The following COMMD1 variants were observed in gnomAD, a reference collection of about 807,000 sequenced individuals.
COMMD1 encodes copper metabolism domain containing 1.
In COMMD1, 10 loss-of-function variants were observed where a neutral mutation model predicts 17.2. The ratio of observed to expected loss-of-function variants is 0.58; its 90% CI spans 0.36 to 0.99. The LOEUF is 0.99. Among genes scored for constraint, COMMD1 ranks in the 50% least tolerant of loss-of-function variants. The pLI is 0.01. For missense variants in COMMD1, 270 were observed against 231.8 expected (o/e 1.17, Z -1.07); for synonymous variants, 97 against 91.6 (o/e 1.06, Z -0.34).
chr2:61,971,254 G>A (rs1414221813), intron 1 of COMMD1, among the ~76,000 whole-genome samples: 1 of 152,222 alleles, frequency 6.6e-6, no homozygotes, highest in Admixed American at 6.5e-5. Flanking sequence ...AGGGGCGTGA[G>A]AGCCTTTATT....
chr2:61,932,237 T>C (rs192892447), intron 1 of COMMD1, among the ~76,000 whole-genome samples: 7 of 152,344 alleles, frequency 4.6e-5, no homozygotes, highest in African/African-American at 1.7e-4. Flanking sequence ...TTGGATAAAA[T>C]GTATACAAAA....
At chr2:61,948,083 C>T (rs1055918320) in intron 1 of COMMD1, among the ~76,000 whole-genome samples, 1 of 151,874 alleles carries the variant, frequency 6.6e-6, no homozygotes, top group Non-Finnish European at 1.5e-5. Context: ...ATTTGGAAAA[C>T]TCTGAAGACA....
chr2:62,110,849 T>A (rs914019178), intron 2 of COMMD1, among the ~76,000 whole-genome samples: 2 of 152,120 alleles, frequency 1.3e-5, no homozygotes, highest in African/African-American at 4.8e-5. Context: ...ATACCTCTTG[T>A]ATATATGAGA....
intron 2 of COMMD1, among the ~76,000 whole-genome samples, chr2:62,018,511 T>C (rs950307110): frequency 2.0e-5 from 3 of 152,200 alleles, no homozygotes; most frequent in Non-Finnish European, 4.4e-5. Flanking sequence ...ACTTATCATG[T>C]CTCCCAATCA....
At chr2:62,073,301 T>G (rs1160356250) in intron 2 of COMMD1, among the ~76,000 whole-genome samples, 1 of 152,202 alleles carries the variant, frequency 6.6e-6, no homozygotes, top group African/African-American at 2.4e-5. Flanking sequence ...ATTGAGAGTC[T>G]GATGACTTTA....
intron 2 of COMMD1, among the ~76,000 whole-genome samples, chr2:62,033,441 A>G (rs1669962557): frequency 6.6e-6 from 1 of 152,204 alleles, no homozygotes. Flanking sequence ...GAACAGAAAA[A>G]TATCTTTTTT....
rs1968654 is a variant in COMMD1, at chr2:62,095,401, A to G, written c.463-40430A>G. On this transcript the variant is annotated intron_variant, in intron 2 of 2. Transcript: ENST00000311832. ...ATTTTGATTAATAACCTGAGAAGTC[A>G]AAATCTTGAAAGTAGCAAATGCAAA... Among the ~76,000 whole-genome samples, 1,185 of 152,286 alleles carry G rather than the reference A, an allele frequency of 7.8e-3. 15 individuals are homozygous for G. The highest frequency in any genetic ancestry group is 0.027 in the African/African-American group (1,111 of 41,572).
chr2:62,079,838 T>C (rs1671468091), intron 2 of COMMD1: 1 of 151,960 alleles, frequency 6.6e-6, no homozygotes, highest in Non-Finnish European at 1.5e-5. Flanking sequence ...AGAAAAAAAA[T>C]GGATTGAACT....
intron 2 of COMMD1, among the ~76,000 whole-genome samples, chr2:62,097,943 C>T (rs999220755): frequency 2.6e-5 from 4 of 152,174 alleles, no homozygotes; most frequent in African/African-American, 4.8e-5. Context: ...CTGGTGCCTT[C>T]CTCTGGGGCC....
intron 1 of COMMD1, among the ~76,000 whole-genome samples, chr2:61,933,104 G>A (rs1330901152): frequency 2.0e-5 from 3 of 152,064 alleles, no homozygotes; most frequent in Admixed American, 1.3e-4. Context: ...AGAAGGTGAT[G>A]TTTCCCTGAA....
intron 2 of COMMD1, among the ~76,000 whole-genome samples, chr2:62,036,120 G>A (rs1670033675): frequency 6.6e-6 from 1 of 151,980 alleles, no homozygotes. Flanking sequence ...GAAAAAAGGT[G>A]TAGGGATTTT....
At chr2:61,896,614 C>G (rs1669553676) in intron 1 of COMMD1, among the ~76,000 whole-genome samples, 1 of 152,034 alleles carries the variant, frequency 6.6e-6, no homozygotes, top group South Asian at 2.1e-4. Context: ...TGTTATTACT[C>G]CTCTGCTTAC....
chr2:62,074,582 A>G (rs974424867), intron 2 of COMMD1, among the ~76,000 whole-genome samples: 1 of 152,254 alleles, frequency 6.6e-6, no homozygotes, highest in Non-Finnish European at 1.5e-5. Flanking sequence ...GAGGCTAAAC[A>G]GTATGCAGGG....
chr2:62,034,360 C>T (rs184750221), intron 2 of COMMD1, among the ~76,000 whole-genome samples: 5 of 152,016 alleles, frequency 3.3e-5, no homozygotes, highest in East Asian at 1.9e-4. Context: ...ATTAGCCAGG[C>T]GTGGTGGCAG....
intron 2 of COMMD1, among the ~76,000 whole-genome samples, chr2:62,098,802 G>GT (rs1485214193): frequency 2.0e-5 from 3 of 152,200 alleles, no homozygotes; most frequent in African/African-American, 7.2e-5. Flanking sequence ...TCTAAAGGCT[G>GT]TTTCCAATCT....
chr2:62,086,510 CAA>C (rs36086221), intron 2 of COMMD1, among the ~76,000 whole-genome samples: 1,686 of 117,796 alleles, frequency 0.014, 31 homozygotes, highest in African/African-American at 0.046. Flanking sequence ...GACTCCGTCT[CAA>C]AAAAAAAAAA....
intron 1 of COMMD1, among the ~76,000 whole-genome samples, chr2:61,965,654 T>G (rs1479272983): frequency 6.6e-6 from 1 of 152,202 alleles, no homozygotes; most frequent in Non-Finnish European, 1.5e-5. Flanking sequence ...GGTTTACAAA[T>G]GTACCAGAGT....
intron 1 of COMMD1, among the ~76,000 whole-genome samples, chr2:61,957,519 C>T (rs1671229825): frequency 6.6e-6 from 1 of 152,086 alleles, no homozygotes; most frequent in South Asian, 2.1e-4. Context: ...GGATTGACCC[C>T]ATTGCTGGTT....
intron 1 of COMMD1, among the ~76,000 whole-genome samples, chr2:61,890,659 G>A (rs926061018): frequency 6.6e-6 from 1 of 151,806 alleles, no homozygotes; most frequent in Non-Finnish European, 1.5e-5. Flanking sequence ...TAGCCAACGT[G>A]GCGAAACCCC....
Sources: allele counts gnomAD v4.1 joint callset (sites outside exome capture counted in the v4.1 genomes callset), GRCh38; gene constraint gnomAD v4.1.1; transcripts MANE v1.5; gene names NCBI Gene and HGNC (gene_info 2026-07-23, HGNC 2026-07-21).